The following OLFM3 variants were observed in gnomAD, a reference collection of about 807,000 sequenced individuals.
OLFM3 encodes the protein noelin-3.
In OLFM3, 20 loss-of-function variants were observed where a neutral mutation model predicts 48.6. That is an observed-to-expected ratio of 0.41 (90% CI 0.29 to 0.60). The LOEUF (loss-of-function observed/expected upper bound fraction) is 0.60. Among genes scored for constraint, OLFM3 ranks in the 20% least tolerant of loss-of-function variants. OLFM3 has a pLI of 0.28. For synonymous variants in OLFM3, 222 were observed against 198.1 expected (o/e 1.12, Z -1.01); for missense variants, 437 against 544.3 (o/e 0.80, Z 1.96).
intron 1 of OLFM3, among the ~76,000 whole-genome samples, chr1:101,963,344 G>A (rs75079464): frequency 0.015 from 2,324 of 152,272 alleles, 56 homozygotes; most frequent in African/African-American, 0.052. Context: ...TTCTTTTCAG[G>A]TGGGAGGGTA....
intron 1 of OLFM3, among the ~76,000 whole-genome samples, chr1:101,937,844 G>T (rs535120728): frequency 9.2e-5 from 14 of 152,078 alleles, no homozygotes; most frequent in Admixed American, 7.2e-4. Flanking sequence ...CTCCTTAATT[G>T]CATTATCATT....
chr1:101,934,154 T>C (rs529803863), intron 1 of OLFM3, among the ~76,000 whole-genome samples: 148 of 152,152 alleles, frequency 9.7e-4, no homozygotes, highest in African/African-American at 3.4e-3. Context: ...ATGTTCCAAT[T>C]GAAAGACATA....
chr1:101,804,203 C>T lies in OLFM3; in HGVS notation c.*35G>A, dbSNP rs556316525. On this transcript the variant is annotated 3_prime_UTR_variant, in exon 6 of 6. Transcript: ENST00000370103. This position sits in a 1 kb window ranked among gnomAD's most constrained non-coding sequence, Gnocchi z 4.5. ...GTCTTATAGAGTTTATCACAAATCA[C>T]ACTGTTTAAATCAATGAAAACATGT... The T allele has an allele frequency of 2.7e-5, 39 of 1,467,154 alleles. No homozygotes were observed. In the African/African-American group the frequency reaches 3.8e-4, roughly 14 times the overall value. The allele number at this position is 1,467,154 out of a possible 1,614,324, so 90.9% of individuals were successfully genotyped here.
intron 1 of OLFM3, among the ~76,000 whole-genome samples, chr1:101,889,276 G>A (rs1439271710): frequency 6.6e-6 from 1 of 152,126 alleles, no homozygotes; most frequent in East Asian, 1.9e-4. Flanking sequence ...TGACAGACTG[G>A]ATTAAGAAAA....
At chr1:101,929,515 T>C (rs1272282425) in intron 1 of OLFM3, among the ~76,000 whole-genome samples, 2 of 152,122 alleles carry the variant, frequency 1.3e-5, no homozygotes, top group Non-Finnish European at 2.9e-5. Flanking sequence ...TCTCTCGGGC[T>C]CCAGGAGTTT....
chr1:101,932,057 A>C lies in OLFM3; in HGVS notation c.69+64691T>G, dbSNP rs575583036. ...TGCATGGCTCTGGATTATTTTACTT[A>C]AGATGAAGATAAAAAGTGTAGAGTG... On this transcript the variant is annotated intron_variant, in intron 1 of 5. Transcript: ENST00000370103. Among the ~76,000 whole-genome samples, 150 of 152,318 alleles carry C rather than the reference A, an allele frequency of 9.8e-4. 1 individual carries two copies. Among genetic ancestry groups the C allele is most frequent in the African/African-American group, 3.4e-3 (141 of 41,574 alleles).
chr1:101,919,350 C>T (rs1056556923), intron 1 of OLFM3, among the ~76,000 whole-genome samples: 2 of 151,858 alleles, frequency 1.3e-5, no homozygotes, highest in African/African-American at 2.4e-5. Flanking sequence ...TCTCATTCTA[C>T]GTTTAACCTA....
intron 1 of OLFM3, among the ~76,000 whole-genome samples, chr1:101,979,681 C>A (rs922749375): frequency 6.6e-6 from 1 of 152,154 alleles, no homozygotes; most frequent in Non-Finnish European, 1.5e-5. Flanking sequence ...TCATGGAAAA[C>A]CTCTGCTAGG....
chr1:101,858,598 G>A (rs1326381124), intron 1 of OLFM3, among the ~76,000 whole-genome samples: 1 of 151,960 alleles, frequency 6.6e-6, no homozygotes, highest in Non-Finnish European at 1.5e-5. Context: ...CCTGGTGGGA[G>A]GTGATTGAAT....
chr1:101,854,637 G>T (rs561194989), intron 1 of OLFM3, among the ~76,000 whole-genome samples: 2 of 152,002 alleles, frequency 1.3e-5, no homozygotes, highest in Non-Finnish European at 2.9e-5. Context: ...CTTCAGCTTA[G>T]TCACTACCTT....
chr1:101,843,795 T>G (rs922817328), intron 1 of OLFM3, among the ~76,000 whole-genome samples: 1 of 152,222 alleles, frequency 6.6e-6, no homozygotes, highest in Non-Finnish European at 1.5e-5. Context: ...CATTTGAAAC[T>G]ATCATTCTAA....
chr1:101,849,228 G>A (rs1303808049), intron 1 of OLFM3, among the ~76,000 whole-genome samples: 2 of 152,202 alleles, frequency 1.3e-5, no homozygotes, highest in African/African-American at 4.8e-5. Context: ...GCTGCAATTT[G>A]CAAAGAGCTA....
chr1:101,957,333 C>A (rs1479299917), intron 1 of OLFM3, among the ~76,000 whole-genome samples: 1 of 152,096 alleles, frequency 6.6e-6, no homozygotes, highest in East Asian at 1.9e-4. Context: ...AAAAACTCTA[C>A]AAGTCAATTT....
intron 4 of OLFM3, among the ~76,000 whole-genome samples, chr1:101,818,235 G>A (rs1181403887): frequency 6.6e-6 from 1 of 151,952 alleles, no homozygotes; most frequent in African/African-American, 2.4e-5. Context: ...ATTCCTACTT[G>A]ACTTTGGAAA....
intron 1 of OLFM3, among the ~76,000 whole-genome samples, chr1:101,858,242 T>C (rs1002716733): frequency 1.9e-4 from 29 of 152,108 alleles, no homozygotes; most frequent in Non-Finnish European, 4.0e-4. Flanking sequence ...AGTGAGTTAA[T>C]ATTTTTCTAC....
rs143905952 is a variant in OLFM3 at position 101,830,765 on chromosome 1, A to G, written c.279T>C (p.Tyr93=). Residue 93 remains tyrosine, a synonymous_variant, in exon 3 of 6, where the codon TAT becomes TAC. Coordinates refer to ENST00000370103, the MANE Select transcript of OLFM3 (RefSeq NM_058170.4). ...TCATTTGGGTTTCCATTTTTAAAAC[A>G]TATTGGAAATCTCTCTGAGTTCTCA... is the stretch of plus-strand genomic sequence containing the variant. ...LNLRTQRDFQ[Y]VLKMETQMKG... The G allele has an allele frequency of 1.2e-6, 2 of 1,614,114 alleles. No individual in the cohort carries two copies. Among genetic ancestry groups the G allele is most frequent in the Admixed American group, 1.7e-5 (1 of 60,028 alleles).
Position 101,993,396 on chromosome 1 carries a change from A to C in OLFM3, c.69+3352T>G, listed in dbSNP as rs183233767. Reference sequence around the variant, plus strand: ...TAAAAGCACAGAGATGCCATCTAGCAGCCGCCCTCAGAAATTCCCTACACA... The same window carrying C: ...TAAAAGCACAGAGATGCCATCTAGCCGCCGCCCTCAGAAATTCCCTACACA... On this transcript the variant is annotated intron_variant, in intron 1 of 5. Coordinates refer to ENST00000370103, the MANE Select transcript of OLFM3 (RefSeq NM_058170.4). Among the ~76,000 whole-genome samples, 171 of 152,198 alleles carry C rather than the reference A, an allele frequency of 1.1e-3. 1 individual carries two copies. Among genetic ancestry groups the C allele is most frequent in the African/African-American group, 3.9e-3 (161 of 41,550 alleles).
intron 1 of OLFM3, among the ~76,000 whole-genome samples, chr1:101,874,748 T>C (rs960537762): frequency 2.0e-5 from 3 of 151,958 alleles, no homozygotes; most frequent in Admixed American, 6.6e-5. Flanking sequence ...TTGTTCTGTG[T>C]TGTGATACTG....
At chr1:101,846,872 G>T in intron 1 of OLFM3, 2 of 1,612,492 alleles carry the variant, frequency 1.2e-6, no homozygotes, top group Admixed American at 1.7e-5. Flanking sequence ...ACAGCCTCGT[G>T]GTGTTCAGTC....
Sources: gnomAD v4.1 joint callset for allele counts (sites outside exome capture counted in the v4.1 genomes callset) on GRCh38, gnomAD v4.1.1 for gene constraint, Gnocchi (gnomAD v3.1) non-coding constraint, MANE v1.5 for transcripts, NCBI Gene and HGNC (gene_info 2026-07-23, HGNC 2026-07-21) for gene names.